Variants in PLEKHD1 observed in about 807,000 individuals in gnomAD.
PLEKHD1 encodes the protein pleckstrin homology domain-containing family D member 1.
In PLEKHD1, 51 loss-of-function variants were observed where a neutral mutation model predicts 69.2. The observed-to-expected ratio is 0.74, with a 90% CI of 0.59 to 0.93. PLEKHD1 has a LOEUF of 0.93. Ranked by LOEUF, PLEKHD1 falls within the 40% of genes least tolerant of loss-of-function variation. The pLI is 0.00. For missense variants in PLEKHD1, 584 were observed against 641.0 expected, an observed-to-expected ratio of 0.91 and a Z score of 0.96; for synonymous variants, 236 against 244.7, an observed-to-expected ratio of 0.96 and a Z score of 0.33.
intron 1 of PLEKHD1, among the ~76,000 whole-genome samples, chr14:69,493,388 C>T (rs575424100): frequency 5.3e-5 from 8 of 152,332 alleles, no homozygotes; most frequent in Admixed American, 2.6e-4. Flanking sequence ...ACTTACTAGT[C>T]GCTTAATCTC....
chr14:69,469,753 ACT>A, the PLEKHD1 span, among the ~76,000 whole-genome samples: 5 of 150,298 alleles, frequency 3.3e-5, no homozygotes, highest in Non-Finnish European at 5.9e-5. Context: ...ACGGAGTCTC[ACT>A]CTGTTGCACA....
chr14:69,501,800 G>A lies in PLEKHD1; in HGVS notation c.477G>A (p.Leu159=). The A allele has an allele frequency of 2.6e-6, 4 of 1,551,398 alleles. No individual in the cohort carries two copies. Among genetic ancestry groups the A allele is most frequent in the Non-Finnish European group, 3.5e-6 (4 of 1,146,792 alleles). Residue 159 remains leucine (L), a synonymous_variant, in exon 5 of 13, where the codon TTG becomes TTA. Transcript: ENST00000322564. ...GCCTGGAGGCCCAGGGGCTGCAGTT[G>A]GCTAAGGAAAAGCAGGAGTATTTAG... is the stretch of plus-strand genomic sequence containing the variant. ...IKSLEAQGLQ[L]AKEKQEYLDK... is the part of the protein sequence containing the mutation.
At chr14:69,505,434 T>C (rs1883128914) in intron 6 of PLEKHD1, among the ~76,000 whole-genome samples, 1 of 152,126 alleles carries the variant, frequency 6.6e-6, no homozygotes, top group Non-Finnish European at 1.5e-5. Context: ...GCTGAGGCAA[T>C]TGATGTAATG....
At chr14:69,475,350 A>ACTAT in the PLEKHD1 span, among the ~76,000 whole-genome samples, 3,231 of 152,344 alleles carry the variant, frequency 0.021, 53 homozygotes, top group Middle Eastern at 0.065. Context: ...AGCACTGAAT[A>ACTAT]CCTTCAGGGT....
chr14:69,521,844 A>G (rs1883521642), intron 6 of PLEKHD1, among the ~76,000 whole-genome samples: 1 of 152,184 alleles, frequency 6.6e-6, no homozygotes, highest in African/African-American at 2.4e-5. Flanking sequence ...GGTTGGGAAT[A>G]GCTTTTCCTT....
chr14:69,516,132 CT>C (rs1018464959), intron 6 of PLEKHD1, among the ~76,000 whole-genome samples: 4 of 152,192 alleles, frequency 2.6e-5, no homozygotes, highest in African/African-American at 9.7e-5. Context: ...CCTTGTTCAG[CT>C]TTTTACTTAT....
chr14:69,527,808 T>C lies in PLEKHD1; in HGVS notation c.1227T>C (p.Asn409=). 1.3e-6 allele frequency: 2 copies of C among 1,551,514 alleles called. No homozygotes were observed. The highest frequency in any genetic ancestry group is 2.4e-5 in the East Asian group (1 of 40,918). Residue 409 remains asparagine (N), a synonymous_variant, in exon 12 of 13, where the codon AAT becomes AAC. Coordinates refer to ENST00000322564, the MANE Select transcript of PLEKHD1 (RefSeq NM_001161498.2). Reference sequence around the variant, plus strand: ...GGTTCTTTGAGGAGTGCATCCGGAATGCCGAGCTGGAGGCCAAGATGCCTG... The same window carrying C: ...GGTTCTTTGAGGAGTGCATCCGGAACGCCGAGCTGGAGGCCAAGATGCCTG... ...LKRFFEECIR[N]AELEAKMPVI...
chr14:69,526,223 A>G, intron 9 of PLEKHD1, 101 bp downstream of exon 9: 2 of 1,255,530 alleles, frequency 1.6e-6, no homozygotes, highest in Non-Finnish European at 2.2e-6. Flanking sequence ...GGCACTGACC[A>G]AGTAGGACTC....
Position 69,527,732 on chromosome 14 carries a change from G to C in PLEKHD1, c.1202-51G>C, listed in dbSNP as rs960016543. 1.2e-4 allele frequency: 178 copies of C among 1,539,480 alleles called. No homozygotes were observed. The African/African-American group carries it at 2.2e-3, about 19-fold the overall frequency. On this transcript the variant is annotated intron_variant, in intron 11 of 12. Coordinates refer to ENST00000322564, the MANE Select transcript of PLEKHD1 (RefSeq NM_001161498.2). ...ATCCTTGGGAAGGGAGGGACTGGCT[G>C]GGGGTAAGGATGCAGTCGGAACCCC...
chr14:69,528,246 C>G lies in PLEKHD1; in HGVS notation c.1352-4C>G, dbSNP rs1883705593. On this transcript the variant is annotated splice_polypyrimidine_tract_variant and splice_region_variant and intron_variant, in intron 12 of 12. Coordinates refer to ENST00000322564, the MANE Select transcript of PLEKHD1 (RefSeq NM_001161498.2). ...ACAGGGCTGTTGGGCTCCTGTTTCC[C>G]CAGTGAAGCCGTCCCAGTCCTTCAT... is the stretch of plus-strand genomic sequence containing the variant. The G allele has an allele frequency of 6.4e-7, 1 of 1,551,600 alleles. No homozygotes were observed. The highest frequency in any genetic ancestry group is 2.4e-5 in the East Asian group (1 of 40,918).
intron 1 of PLEKHD1, among the ~76,000 whole-genome samples, chr14:69,496,725 A>C (rs748687747): frequency 1.2e-5 from 1 of 86,510 alleles, no homozygotes; most frequent in Non-Finnish European, 2.2e-5. Flanking sequence ...TTTTTTTTTT[A>C]ATGTAGAGAC....
intron 1 of PLEKHD1, among the ~76,000 whole-genome samples, chr14:69,488,002 C>A (rs923121652): frequency 6.6e-6 from 1 of 152,184 alleles, no homozygotes; most frequent in Admixed American, 6.5e-5. Context: ...CACCCACTTC[C>A]TTCCTGCAAC....
intron 6 of PLEKHD1, 81 bp from the exon 7 acceptor site, chr14:69,522,202 C>G: frequency 2.3e-6 from 3 of 1,306,710 alleles, no homozygotes; most frequent in Non-Finnish European, 3.2e-6. Flanking sequence ...CCCAGAGGGT[C>G]CCTTGGGATA....
At position 69,526,048 on chromosome 14, in the gene PLEKHD1, C is replaced by T. The variant is rs748351815; in HGVS notation, c.849C>T (p.Gly283=). ...NQSEQPPPSG[G]LHSNLRQIEE... is the part of the protein sequence containing the mutation. Reference sequence around the variant, plus strand: ...GTGAGCAGCCCCCTCCCAGTGGGGGCCTCCATAGCAACCTCCGGCAGATCG... The same window carrying T: ...GTGAGCAGCCCCCTCCCAGTGGGGGTCTCCATAGCAACCTCCGGCAGATCG... The change falls in exon 9 of 13, where the codon GGC becomes GGT. Residue 283 remains glycine (G), a synonymous_variant. Transcript: ENST00000322564. 44 of 1,551,520 alleles carry T rather than the reference C, an allele frequency of 2.8e-5. No homozygotes were observed. The Middle Eastern group carries it at 5.0e-4, about 18-fold the overall frequency.
chr14:69,489,592 A>AAAAAG (rs1566935545), intron 1 of PLEKHD1, among the ~76,000 whole-genome samples: 1 of 150,414 alleles, frequency 6.6e-6, no homozygotes, highest in African/African-American at 2.5e-5. Context: ...GGAAAAAAAA[A>AAAAAG]GAAAGTGAAT....
At chr14:69,502,146 A>G (rs1201279170) in intron 5 of PLEKHD1, 1 of 223,572 alleles carries the variant, frequency 4.5e-6, no homozygotes, top group Non-Finnish European at 8.9e-6. Flanking sequence ...AATCGAGTTA[A>G]AAATAGTCTC....
chr14:69,500,458 A>G, intron 2 of PLEKHD1, 119 bp from the exon 3 acceptor site: 2 of 807,796 alleles, frequency 2.5e-6, no homozygotes, highest in Non-Finnish European at 1.9e-6. Flanking sequence ...CCATGGCCCC[A>G]GGGTCTAGCT....
At chr14:69,500,087 G>T (rs1348232749) in intron 1 of PLEKHD1, 28 bp from the exon 2 acceptor site, 1 of 1,475,264 alleles carries the variant, frequency 6.8e-7, no homozygotes, top group East Asian at 2.5e-5. Context: ...TCTCCTGGTT[G>T]CTTTTCCTTC....
At position 69,501,323 on chromosome 14, in the gene PLEKHD1, T is replaced by C. The variant is rs188256597; in HGVS notation, c.410+376T>C. 41 of 355,404 alleles carry C rather than the reference T, an allele frequency of 1.2e-4. No individual in the cohort carries two copies. In the Admixed American group the frequency reaches 1.4e-3, roughly 12 times the overall value. 22.0% of individuals were successfully genotyped at this position (355,404 alleles called of 1,614,324 possible). ...AGAAATCTCCTGCCAACCCAGTCCA[T>C]TTTTATGTAAACCACTGTCCTGACA... On this transcript the variant is annotated intron_variant, in intron 4 of 12. Transcript: ENST00000322564.
Sources: gnomAD v4.1 joint callset for allele counts (sites outside exome capture counted in the v4.1 genomes callset) on GRCh38, gnomAD v4.1.1 for gene constraint, MANE v1.5 for transcripts, NCBI Gene and HGNC (gene_info 2026-07-23, HGNC 2026-07-21) for gene names.